FARS2: variants seen among roughly 807,000 people sequenced by gnomAD.
FARS2 encodes phenylalanine--tRNA ligase, mitochondrial.
FARS2 carries 40 observed loss-of-function variants against 46.4 expected under a neutral mutation model. The observed-to-expected ratio is 0.86, with a 90% CI of 0.67 to 1.12. The LOEUF (loss-of-function observed/expected upper bound fraction) is 1.12, where lower values mean the gene tolerates loss of function less well. FARS2 is among the 50% of genes most tolerant of loss of function. The pLI is 0.00. For synonymous variants in FARS2, 234 were observed against 214.9 expected (o/e 1.09, Z -0.78); for missense variants, 513 against 567.9 (o/e 0.90, Z 0.98).
chr6:5,763,908 C>T (rs1762618899), intron 6 of FARS2, among the ~76,000 whole-genome samples: 1 of 151,994 alleles, frequency 6.6e-6, no homozygotes, highest in Admixed American at 6.6e-5. Flanking sequence ...CTAATGCATC[C>T]GTGCTCCAGG....
At chr6:5,530,480 A>T (rs891321860) in intron 4 of FARS2, among the ~76,000 whole-genome samples, 6 of 152,086 alleles carry the variant, frequency 3.9e-5, no homozygotes, top group African/African-American at 1.4e-4. Context: ...TGGATTGCAG[A>T]TAAGGTGGGG....
At chr6:5,407,066 T>TATATATATATATATATATATATATATAC (rs70975905) in intron 3 of FARS2, among the ~76,000 whole-genome samples, 1 of 109,690 alleles carries the variant, frequency 9.1e-6, no homozygotes, top group Non-Finnish European at 1.9e-5. Flanking sequence ...TATATATATA[T>TATATATATATATATATATATATATATAC]AATGACCAAT....
Position 5,399,655 on chromosome 6 carries a change from C to A in FARS2, c.613-4887C>A, listed in dbSNP as rs560685715. Among the ~76,000 whole-genome samples the A allele has an allele frequency of 2.6e-5, 4 of 152,182 alleles. No individual in the cohort carries two copies. In the East Asian group the frequency reaches 7.7e-4, roughly 29 times the overall value. ...TTTATTTTTGTTATTTCTAGCCTAT[C>A]CTTCCTTTTTTTCACAAATGAGATG... On this transcript the variant is annotated intron_variant, in intron 2 of 6. Transcript: ENST00000274680.
chr6:5,334,133 G>C (rs1017104380), intron 1 of FARS2, among the ~76,000 whole-genome samples: 1 of 152,174 alleles, frequency 6.6e-6, no homozygotes, highest in Non-Finnish European at 1.5e-5. Flanking sequence ...TGGAAAGTAG[G>C]ACTTTTTTTA....
intron 6 of FARS2, among the ~76,000 whole-genome samples, chr6:5,665,951 G>T (rs1275493229): frequency 6.6e-6 from 1 of 152,150 alleles, no homozygotes; most frequent in Non-Finnish European, 1.5e-5. Context: ...TGTCATGAGG[G>T]TTTGGAGAGG....
chr6:5,262,170 C>G (rs564282244), intron 1 of FARS2, among the ~76,000 whole-genome samples: 1 of 152,224 alleles, frequency 6.6e-6, no homozygotes, highest in Non-Finnish European at 1.5e-5. Context: ...CATCTTTCTC[C>G]GAACCACTTG....
chr6:5,319,800 A>C (rs1435023984), intron 1 of FARS2, among the ~76,000 whole-genome samples: 1 of 152,198 alleles, frequency 6.6e-6, no homozygotes, highest in Non-Finnish European at 1.5e-5. Flanking sequence ...GGATCAGCTT[A>C]AAGGGAGACA....
At chr6:5,723,436 A>C (rs1214876107) in intron 6 of FARS2, among the ~76,000 whole-genome samples, 2 of 152,172 alleles carry the variant, frequency 1.3e-5, no homozygotes, top group African/African-American at 2.4e-5. Flanking sequence ...AGACCCTTCC[A>C]GGCCTCAGTG....
chr6:5,562,043 G>A (rs7341282), intron 5 of FARS2, among the ~76,000 whole-genome samples: 39,894 of 151,846 alleles, frequency 0.26, 6,154 homozygotes, highest in East Asian at 0.52. Flanking sequence ...TTAGTAATTT[G>A]AATATCTTCA....
intron 1 of FARS2, among the ~76,000 whole-genome samples, chr6:5,302,981 A>T (rs530735858): frequency 6.6e-6 from 1 of 152,214 alleles, no homozygotes; most frequent in Non-Finnish European, 1.5e-5. Context: ...TTAAGCATTC[A>T]TAAGTGTCAG....
intron 6 of FARS2, among the ~76,000 whole-genome samples, chr6:5,676,896 C>T (rs1244828212): frequency 6.6e-6 from 1 of 152,136 alleles, no homozygotes; most frequent in Non-Finnish European, 1.5e-5. Context: ...TAAATGTTGT[C>T]TCAATATTTA....
intron 4 of FARS2, among the ~76,000 whole-genome samples, chr6:5,530,113 A>C (rs1381103773): frequency 6.6e-6 from 1 of 152,194 alleles, no homozygotes; most frequent in Non-Finnish European, 1.5e-5. Flanking sequence ...CAAAAAATAA[A>C]TGATCTAGAG....
At chr6:5,484,505 C>A (rs1766661566) in intron 4 of FARS2, among the ~76,000 whole-genome samples, 1 of 152,310 alleles carries the variant, frequency 6.6e-6, no homozygotes, top group East Asian at 1.9e-4. Context: ...AACTGAGGAA[C>A]TGCGTTTTAA....
At chr6:5,745,226 G>A (rs775960798) in intron 6 of FARS2, among the ~76,000 whole-genome samples, 3 of 152,222 alleles carry the variant, frequency 2.0e-5, no homozygotes, top group Non-Finnish European at 4.4e-5. Flanking sequence ...GTGATTTCTT[G>A]GAAATCCAAA....
the FARS2 span, among the ~76,000 whole-genome samples, chr6:5,251,494 G>C: frequency 2.0e-5 from 3 of 152,138 alleles, no homozygotes; most frequent in African/African-American, 7.2e-5. Context: ...GGTGAAGGGG[G>C]AGCAGACACA....
chr6:5,686,487 A>G (rs1428590321), intron 6 of FARS2, among the ~76,000 whole-genome samples: 2 of 152,172 alleles, frequency 1.3e-5, no homozygotes, highest in Non-Finnish European at 2.9e-5. Context: ...TTTGCTAAGA[A>G]TGATGGTTTC....
chr6:5,449,352 CAAAAA>C (rs5873985), intron 4 of FARS2, among the ~76,000 whole-genome samples: 4 of 120,888 alleles, frequency 3.3e-5, no homozygotes, highest in Non-Finnish European at 5.0e-5. Flanking sequence ...GACTCCATCT[CAAAAA>C]AAAAAAAAAG....
intron 4 of FARS2, among the ~76,000 whole-genome samples, chr6:5,539,157 C>CA (rs536356512): frequency 1.1e-3 from 174 of 152,070 alleles, no homozygotes; most frequent in African/African-American, 4.1e-3. Context: ...TCCTTTCCCC[C>CA]ATCAACCTTT....
At chr6:5,642,858 C>G (rs753104370) in intron 6 of FARS2, among the ~76,000 whole-genome samples, 1 of 152,232 alleles carries the variant, frequency 6.6e-6, no homozygotes, top group Non-Finnish European at 1.5e-5. Context: ...CTGGATTCAT[C>G]AAATCTCCAC....
Sources: allele counts gnomAD v4.1 joint callset (sites outside exome capture counted in the v4.1 genomes callset), GRCh38; gene constraint gnomAD v4.1.1; transcripts MANE v1.5; gene names NCBI Gene and HGNC (gene_info 2026-07-23, HGNC 2026-07-21).